The following COL19A1 variants were observed in gnomAD, a reference collection of about 807,000 sequenced individuals.
COL19A1 encodes collagen alpha-1(XIX) chain.
Under a neutral mutation model 190.2 loss-of-function variants are expected in COL19A1, and 159 were observed. The observed-to-expected ratio is 0.84, with a 90% confidence interval of 0.73 to 0.95. The LOEUF (loss-of-function observed/expected upper bound fraction) is 0.95, where lower values mean the gene tolerates loss of function less well. Ranked by LOEUF, COL19A1 falls within the 40% of genes least tolerant of loss-of-function variation. The pLI, the probability that COL19A1 is intolerant of heterozygous loss-of-function variation, is 0.00. For synonymous variants in COL19A1, 509 were observed against 458.9 expected (o/e 1.11, Z -1.39); for missense variants, 1,418 against 1,431.9 (o/e 0.99, Z 0.16).
At chr6:70,017,830 C>G (rs1205865533) in intron 11 of COL19A1, among the ~76,000 whole-genome samples, 1 of 152,074 alleles carries the variant, frequency 6.6e-6, no homozygotes, top group Non-Finnish European at 1.5e-5. Context: ...TAAAAGGTGT[C>G]TGATGGTGGT....
intron 14 of COL19A1, among the ~76,000 whole-genome samples, chr6:70,048,250 T>G (rs1056991974): frequency 1.3e-5 from 2 of 152,118 alleles, no homozygotes; most frequent in Non-Finnish European, 2.9e-5. Context: ...CAAATGACAT[T>G]CAATTAGCAG....
At chr6:70,184,551 A>G (rs1766386759) in intron 44 of COL19A1, 152 bp from the exon 45 acceptor site, 2 of 642,818 alleles carry the variant, frequency 3.1e-6, no homozygotes, top group Non-Finnish European at 5.3e-6. Flanking sequence ...GGACTGTCAG[A>G]TTCTATTTAT....
rs60501043 is a variant in COL19A1, at chr6:69,955,522, A to AGTGTGTGT, written c.937-4437_937-4430dup. On this transcript the variant is annotated intron_variant, in intron 9 of 50. Transcript: ENST00000620364. Reference sequence around the variant, plus strand: ...CAAAACTGTATAGTAGCCACAGCAAAGTGTGTGTGTGTGTGTGTGTGTGTG... The same window carrying AGTGTGTGT: ...CAAAACTGTATAGTAGCCACAGCAAAGTGTGTGTGTGTGTGTGTGTGTGTGTGTGTGTG... 7.8e-4 allele frequency among the ~76,000 whole-genome samples: 109 copies of AGTGTGTGT among 138,966 alleles called. 1 individual carries two copies. Among genetic ancestry groups the AGTGTGTGT allele is most frequent in the East Asian group, 2.6e-3 (12 of 4,684 alleles). 91.2% of individuals were successfully genotyped at this position (138,966 alleles called of 152,430 possible).
At chr6:70,034,221 G>C in intron 12 of COL19A1, 24 bp from the exon 13 acceptor site, 1 of 1,557,878 alleles carries the variant, frequency 6.4e-7, no homozygotes. Context: ...TGTGAACTGT[G>C]TATTGGTTAT....
chr6:69,918,565 G>A (rs1326651614), intron 4 of COL19A1, among the ~76,000 whole-genome samples: 6 of 152,054 alleles, frequency 3.9e-5, no homozygotes, highest in Admixed American at 3.9e-4. Context: ...AATTAGCCAG[G>A]TATGGCTGCA....
At chr6:70,134,122 T>C (rs1785687861) in intron 18 of COL19A1, among the ~76,000 whole-genome samples, 2 of 152,214 alleles carry the variant, frequency 1.3e-5, no homozygotes, top group South Asian at 4.1e-4. Context: ...TTCACACCTA[T>C]ACAATGGAAA....
chr6:70,159,693 A>C (rs531220879), intron 34 of COL19A1, among the ~76,000 whole-genome samples: 1 of 152,302 alleles, frequency 6.6e-6, no homozygotes, highest in African/African-American at 2.4e-5. Context: ...GATCCAGCTC[A>C]CAGTCCTATA....
intron 2 of COL19A1, among the ~76,000 whole-genome samples, chr6:69,884,195 C>T (rs1229794438): frequency 2.6e-5 from 4 of 151,850 alleles, no homozygotes; most frequent in East Asian, 1.9e-4. Context: ...ATTAGCTGTG[C>T]GTGGTGGCAG....
At chr6:69,922,290 G>A (rs1484457416) in intron 4 of COL19A1, among the ~76,000 whole-genome samples, 1 of 151,314 alleles carries the variant, frequency 6.6e-6, no homozygotes. Context: ...TATAAACTTA[G>A]ATTAAAATCA....
At chr6:69,975,872 A>G (rs1196227794) in intron 11 of COL19A1, among the ~76,000 whole-genome samples, 3 of 152,202 alleles carry the variant, frequency 2.0e-5, no homozygotes, top group African/African-American at 4.8e-5. Flanking sequence ...TTAACTACCT[A>G]TTATTTACCT....
chr6:70,070,027 C>T (rs1781454351), intron 15 of COL19A1, among the ~76,000 whole-genome samples: 1 of 152,134 alleles, frequency 6.6e-6, no homozygotes, highest in Admixed American at 6.6e-5. Context: ...AGGCTACCAT[C>T]TTTTCCACCA....
chr6:70,188,537 A>C (rs1562256899), intron 47 of COL19A1, among the ~76,000 whole-genome samples: 1 of 152,220 alleles, frequency 6.6e-6, no homozygotes, highest in Non-Finnish European at 1.5e-5. Flanking sequence ...CAGATTTATT[A>C]AGTGGGTCAG....
Position 69,885,143 on chromosome 6 carries a change from C to T in COL19A1, c.91+5485C>T, listed in dbSNP as rs192646515. 1.3e-4 allele frequency among the ~76,000 whole-genome samples: 20 copies of T among 152,270 alleles called. No homozygotes were observed. In the East Asian group the frequency reaches 2.3e-3, roughly 18 times the overall value. ...CCTCCCAAAGTGCTGGGATTATAGG[C>T]GTGAGCCACCGCGCTGGGCCCCTTT... On this transcript the variant is annotated intron_variant, in intron 2 of 50. Coordinates refer to ENST00000620364, the MANE Select transcript of COL19A1 (RefSeq NM_001858.6).
chr6:70,173,478 CA>C (rs1765619721), intron 41 of COL19A1, among the ~76,000 whole-genome samples: 1 of 152,118 alleles, frequency 6.6e-6, no homozygotes, highest in Non-Finnish European at 1.5e-5. Context: ...TGGTATCCTA[CA>C]ATCCAAGAGA....
rs1406530219 is a variant in COL19A1, at chr6:70,207,422, A to C, written c.*148A>C. 1 of 696,642 alleles carries C rather than the reference A, an allele frequency of 1.4e-6. No homozygotes were observed. The highest frequency in any genetic ancestry group is 4.2e-5 in the South Asian group (1 of 23,858). 43.2% of individuals were successfully genotyped at this position (696,642 alleles called of 1,614,324 possible). A position where few individuals can be genotyped will look rare whatever the true frequency, so the allele number is the denominator to read the frequency against. On this transcript the variant is annotated 3_prime_UTR_variant, in exon 51 of 51. Transcript: ENST00000620364. ...CCAGGCATTAAAAGCAACCGTTTGAATCCTATTCCTATAGCAATTGCAAAT... is the reference window on the plus strand; with the variant it reads ...CCAGGCATTAAAAGCAACCGTTTGACTCCTATTCCTATAGCAATTGCAAAT...
intron 2 of COL19A1, among the ~76,000 whole-genome samples, chr6:69,895,319 T>A (rs1354530897): frequency 2.6e-5 from 4 of 152,208 alleles, no homozygotes; most frequent in African/African-American, 9.6e-5. Flanking sequence ...ACGAAAAGGC[T>A]TAGAAAGCCA....
Position 70,193,627 on chromosome 6 carries a change from G to C in COL19A1, c.3094+3246G>C, listed in dbSNP as rs1047690497. 2.0e-5 allele frequency among the ~76,000 whole-genome samples: 3 copies of C among 152,068 alleles called. 1 individual carries two copies. In the South Asian group the frequency reaches 6.2e-4, roughly 32 times the overall value. ...TAGCCTTAAGACAATATTTTAAAGC[G>C]ACCCATAAGGAAACTATTTTCTGAG... is the stretch of plus-strand genomic sequence containing the variant. On this transcript the variant is annotated intron_variant, in intron 48 of 50. Transcript: ENST00000620364.
Position 70,140,966 on chromosome 6 carries a change from A to G in COL19A1, c.1459A>G (p.Thr487Ala), listed in dbSNP as rs758944191. The G allele has an allele frequency of 1.2e-6, 2 of 1,610,258 alleles. No individual in the cohort carries two copies. The highest frequency in any genetic ancestry group is 1.1e-5 in the South Asian group (1 of 90,866). Residue 487 changes from threonine to alanine, a missense_variant, in exon 20 of 51, where the codon ACA becomes GCA. Thr to Ala is a moderately conservative substitution (Grantham distance 58). Coordinates refer to ENST00000620364, the MANE Select transcript of COL19A1 (RefSeq NM_001858.6). The part of the protein sequence containing the change: ...GQKGEPGEPF[T>A]KGEKGDRGEP... ...CCCTTCTCCTTAGGGAGAGCCTTTT[A>G]CAAAAGGAGAAAAAGGAGATAGAGT...
At chr6:69,872,302 C>G (rs577154382) in intron 1 of COL19A1, among the ~76,000 whole-genome samples, 9 of 152,156 alleles carry the variant, frequency 5.9e-5, no homozygotes, top group Admixed American at 1.3e-4. Context: ...CATAGTGGAA[C>G]CTCATCCTAT....
Sources: allele counts gnomAD v4.1 joint callset (sites outside exome capture counted in the v4.1 genomes callset), GRCh38; gene constraint gnomAD v4.1.1; transcripts MANE v1.5; gene names NCBI Gene and HGNC (gene_info 2026-07-23, HGNC 2026-07-21).